The following IKZF2 variants were observed in gnomAD, a reference collection of about 807,000 sequenced individuals.
IKZF2 encodes IKAROS family zinc finger 2.
Under a neutral mutation model 49.2 loss-of-function variants are expected in IKZF2, and 15 were observed. That is an observed-to-expected ratio of 0.30 (90% CI 0.20 to 0.47). IKZF2 has a LOEUF of 0.47. Ranked by LOEUF, IKZF2 falls within the 20% of genes least tolerant of loss-of-function variation. The pLI is 1.00. For missense variants in IKZF2, 567 were observed against 664.6 expected (o/e 0.85, Z 1.61); for synonymous variants, 227 against 221.4 (o/e 1.03, Z -0.23).
chr2:213,004,099 TTGCAA>T lies in IKZF2; in HGVS notation c.*3256_*3260del, dbSNP rs1375310532. On this transcript the variant is annotated 3_prime_UTR_variant, in exon 9 of 9. Coordinates refer to ENST00000434687, the MANE Select transcript of IKZF2 (RefSeq NM_001387220.1). Reference sequence around the variant, plus strand: ...TGTCATTTAAATTCTCTGTATGTTTTTGCAATACATCTGATCACTCCAACTGCTTT... The same window carrying T: ...TGTCATTTAAATTCTCTGTATGTTTTTACATCTGATCACTCCAACTGCTTT... The T allele has an allele frequency of 6.6e-6, 1 of 151,820 alleles. No homozygotes were observed. The highest frequency in any genetic ancestry group is 2.4e-5 in the African/African-American group (1 of 41,412). The allele number at this position is 151,820 out of a possible 1,614,324, so 9.4% of individuals were successfully genotyped here.
intron 4 of IKZF2, among the ~76,000 whole-genome samples, chr2:213,132,351 G>T (rs2060502462): frequency 6.6e-6 from 1 of 152,014 alleles, no homozygotes; most frequent in Admixed American, 6.6e-5. Context: ...TGGAATTAGG[G>T]ATCGACTGTC....
intron 4 of IKZF2, among the ~76,000 whole-genome samples, chr2:213,059,916 G>A (rs543015419): frequency 9.9e-5 from 15 of 151,352 alleles, no homozygotes; most frequent in African/African-American, 2.2e-4. Flanking sequence ...TAGTAAAGCC[G>A]TAGTAATCTA....
At chr2:213,021,926 T>TTATCTTTC (rs2125110406) in intron 7 of IKZF2, 67 bp downstream of exon 7, 1 of 1,515,598 alleles carries the variant, frequency 6.6e-7, no homozygotes, top group South Asian at 1.3e-5. Flanking sequence ...GCATAAGATT[T>TTATCTTTC]TATCTTCATG....
chr2:213,105,988 C>T (rs1363208674), intron 4 of IKZF2, among the ~76,000 whole-genome samples: 1 of 152,112 alleles, frequency 6.6e-6, no homozygotes, highest in Non-Finnish European at 1.5e-5. Flanking sequence ...GATAAATGTA[C>T]AATTTGTTTG....
chr2:213,133,735 A>AAAT (rs1559317295), intron 4 of IKZF2, among the ~76,000 whole-genome samples: 3 of 107,600 alleles, frequency 2.8e-5, no homozygotes, highest in Non-Finnish European at 6.5e-5. Flanking sequence ...AATAAATAAA[A>AAAT]TAAATATTCA....
At chr2:213,061,403 G>A (rs1701677134) in intron 4 of IKZF2, among the ~76,000 whole-genome samples, 1 of 151,124 alleles carries the variant, frequency 6.6e-6, no homozygotes, top group Admixed American at 6.6e-5. Flanking sequence ...GCAAAATCAT[G>A]TTATTTTGTG....
intron 4 of IKZF2, among the ~76,000 whole-genome samples, chr2:213,114,764 T>C (rs1050193070): frequency 2.0e-5 from 3 of 151,904 alleles, no homozygotes; most frequent in African/African-American, 7.3e-5. Context: ...AAACCTCATC[T>C]CTACTAAAAA....
intron 4 of IKZF2, among the ~76,000 whole-genome samples, chr2:213,138,125 A>G (rs1413928744): frequency 2.0e-5 from 3 of 152,114 alleles, no homozygotes; most frequent in Admixed American, 2.0e-4. Context: ...TGTACATGCT[A>G]CTAAAAACAG....
intron 4 of IKZF2, among the ~76,000 whole-genome samples, chr2:213,112,507 G>A (rs2059744534): frequency 6.8e-6 from 1 of 148,134 alleles, no homozygotes; most frequent in Admixed American, 6.7e-5. Context: ...GTCTCCCAGT[G>A]ACAGATTGTG....
At chr2:213,110,120 T>G (rs1237162509) in intron 4 of IKZF2, among the ~76,000 whole-genome samples, 2 of 152,058 alleles carry the variant, frequency 1.3e-5, no homozygotes, top group Non-Finnish European at 1.5e-5. Context: ...ACTTTCAGTC[T>G]CACCCTATAG....
chr2:213,120,481 G>A (rs1342095638), intron 4 of IKZF2, among the ~76,000 whole-genome samples: 1 of 152,204 alleles, frequency 6.6e-6, no homozygotes, highest in Non-Finnish European at 1.5e-5. Flanking sequence ...CTGAAGCACA[G>A]TATATGTGAA....
intron 7 of IKZF2, among the ~76,000 whole-genome samples, chr2:213,017,545 C>A (rs1696750897): frequency 6.6e-6 from 1 of 152,146 alleles, no homozygotes; most frequent in Non-Finnish European, 1.5e-5. Flanking sequence ...TCCTAGATTT[C>A]TTCCTTTCAT....
At chr2:213,148,737 C>T in intron 2 of IKZF2, 93 bp from the exon 3 acceptor site, 2 of 1,033,192 alleles carry the variant, frequency 1.9e-6, no homozygotes, top group South Asian at 2.8e-5. Context: ...AGCAGTTAGT[C>T]CATGTTGCTG....
intron 4 of IKZF2, among the ~76,000 whole-genome samples, chr2:213,116,493 G>A (rs2059879266): frequency 6.6e-6 from 1 of 152,156 alleles, no homozygotes; most frequent in Non-Finnish European, 1.5e-5. Flanking sequence ...CCAGCATTTT[G>A]GGAGGCCAAG....
chr2:213,120,131 A>G (rs1380521979), intron 4 of IKZF2, among the ~76,000 whole-genome samples: 2 of 152,182 alleles, frequency 1.3e-5, no homozygotes, highest in African/African-American at 4.8e-5. Flanking sequence ...TGGTACACCT[A>G]TTCTCTGCCA....
chr2:213,080,430 G>A (rs1482123156), intron 4 of IKZF2, among the ~76,000 whole-genome samples: 2 of 152,204 alleles, frequency 1.3e-5, no homozygotes, highest in South Asian at 2.1e-4. Flanking sequence ...AAGAGAAAAC[G>A]AGGAGAACAA....
chr2:213,038,492 A>G (rs964204890), intron 6 of IKZF2, among the ~76,000 whole-genome samples: 2 of 152,204 alleles, frequency 1.3e-5, no homozygotes, highest in African/African-American at 4.8e-5. Flanking sequence ...CCAAAGGTGT[A>G]TAACTTGCAG....
At chr2:213,089,378 C>T (rs1451211803) in intron 4 of IKZF2, among the ~76,000 whole-genome samples, 1 of 152,146 alleles carries the variant, frequency 6.6e-6, no homozygotes, top group Non-Finnish European at 1.5e-5. Flanking sequence ...CACTTTTGTG[C>T]AGGCCTCCTC....
intron 4 of IKZF2, among the ~76,000 whole-genome samples, chr2:213,079,379 GAAGGA>G (rs1188108219): frequency 3.3e-4 from 47 of 143,664 alleles, no homozygotes; most frequent in African/African-American, 1.1e-3. Flanking sequence ...AAAGAAAAAA[GAAGGA>G]AAGGAAAGGA....
Sources: allele counts gnomAD v4.1 joint callset (sites outside exome capture counted in the v4.1 genomes callset), GRCh38; gene constraint gnomAD v4.1.1; transcripts MANE v1.5; gene names NCBI Gene and HGNC (gene_info 2026-07-23, HGNC 2026-07-21).